The following SLC9A4 variants were observed in gnomAD, a reference collection of about 807,000 sequenced individuals.
The protein encoded by SLC9A4 is sodium/hydrogen exchanger 4.
Under a neutral mutation model 67.4 loss-of-function variants are expected in SLC9A4, and 63 were observed. The ratio of observed to expected loss-of-function variants is 0.93; its 90% CI spans 0.76 to 1.15. SLC9A4 has a LOEUF of 1.15. SLC9A4 is among the 50% of genes most tolerant of loss of function. SLC9A4 has a pLI of 0.00. For synonymous variants in SLC9A4, 393 were observed against 367.2 expected, an observed-to-expected ratio of 1.07 and a Z score of -0.80; for missense variants, 1,089 against 987.7, an observed-to-expected ratio of 1.10 and a Z score of -1.38.
rs532608280 is a variant in SLC9A4 at position 102,520,846 on chromosome 2, C to T, written c.1818+891C>T. On this transcript the variant is annotated intron_variant, in intron 9 of 11. Coordinates refer to ENST00000295269, the MANE Select transcript of SLC9A4 (RefSeq NM_001011552.4). The stretch of plus-strand genomic sequence containing the variant: ...TAAGAACACAGGTTTTCTACCCACC[C>T]ACCCAGTGCTCTTTTCATGACTCTG... Among the ~76,000 whole-genome samples the T allele has an allele frequency of 1.1e-4, 17 of 152,292 alleles. No individual in the cohort carries two copies. The South Asian group carries it at 3.1e-3, about 28-fold the overall frequency.
rs780461441 is a variant in SLC9A4, at chr2:102,512,205, G to T, written c.1491G>T (p.Leu497=). ...ATTTTCTTGTGTTTGTTTGGCAGCT[G>T]ATGGATCACTTAAAGGCTGGAATCG... ...ESINEELHIR[L]MDHLKAGIED... The change falls in exon 7 of 12, where the codon CTG becomes CTT. Residue 497 remains leucine (L), a splice_region_variant and synonymous_variant. Transcript: ENST00000295269. 2 of 1,614,004 alleles carry T rather than the reference G, an allele frequency of 1.2e-6. No homozygotes were observed. The highest frequency in any genetic ancestry group is 1.7e-6 in the Non-Finnish European group (2 of 1,179,898).
At chr2:102,474,846 G>A (rs1011262053) in intron 1 of SLC9A4, among the ~76,000 whole-genome samples, 50 of 152,312 alleles carry the variant, frequency 3.3e-4, no homozygotes, top group African/African-American at 1.2e-3. Flanking sequence ...TGCTATTTGA[G>A]TATGTAGATT....
At chr2:102,483,762 A>G (rs78125003) in intron 2 of SLC9A4, among the ~76,000 whole-genome samples, 2,723 of 148,482 alleles carry the variant, frequency 0.018, 80 homozygotes, top group East Asian at 0.086. Flanking sequence ...GGATACAAAA[A>G]TTAGCTTGAC....
At chr2:102,510,281 A>G (rs1478960997) in intron 6 of SLC9A4, among the ~76,000 whole-genome samples, 2 of 152,020 alleles carry the variant, frequency 1.3e-5, no homozygotes, top group African/African-American at 4.8e-5. Flanking sequence ...ACAGATATAG[A>G]TATAGATATA....
rs1444560596 is a variant in SLC9A4, at chr2:102,508,213, C to A, written c.1333C>A (p.Leu445Ile). The change falls in exon 5 of 12, where the codon CTT (leucine) becomes ATT (isoleucine). Residue 445 changes from leucine (L) to isoleucine (I), a missense_variant. Transcript: ENST00000295269. The part of the protein sequence containing the change: ...FSLAFLLPLS[L>I]FPRKKMFVTA... ...ACTTGCATTTTTGCTTCCTCTGTCTCTTTTTCCTAGGAAGAAAATGTTTGT... is the reference window on the plus strand; with the variant it reads ...ACTTGCATTTTTGCTTCCTCTGTCTATTTTTCCTAGGAAGAAAATGTTTGT... 1 of 1,614,164 alleles carries A rather than the reference C, an allele frequency of 6.2e-7. No homozygotes were observed. The highest frequency in any genetic ancestry group is 1.7e-5 in the Admixed American group (1 of 60,016).
At chr2:102,487,459 C>T (rs192205239) in intron 2 of SLC9A4, among the ~76,000 whole-genome samples, 41 of 152,290 alleles carry the variant, frequency 2.7e-4, no homozygotes, top group Non-Finnish European at 5.6e-4. Flanking sequence ...GTCTAAGCCA[C>T]AGACTTGCCC....
chr2:102,512,679 A>G (rs2104440106), intron 7 of SLC9A4, among the ~76,000 whole-genome samples: 1 of 152,350 alleles, frequency 6.6e-6, no homozygotes. Context: ...TGGGGAGGCC[A>G]TGGTGGAAGA....
rs544059696 is a variant in SLC9A4 at position 102,478,002 on chromosome 2, C to T, written c.257-837C>T. ...GTTGTCTATCTCTTTGGTCTTCCAC[C>T]TGGCGGTACTTAACATCGTCTTTGC... On this transcript the variant is annotated intron_variant, in intron 1 of 11. Coordinates refer to ENST00000295269, the MANE Select transcript of SLC9A4 (RefSeq NM_001011552.4). 6.6e-5 allele frequency among the ~76,000 whole-genome samples: 10 copies of T among 152,326 alleles called. No homozygotes were observed. In the South Asian group the frequency reaches 2.1e-3, roughly 32 times the overall value.
chr2:102,496,862 A>G (rs1196131904), intron 2 of SLC9A4, among the ~76,000 whole-genome samples: 2 of 152,388 alleles, frequency 1.3e-5, no homozygotes, highest in East Asian at 3.9e-4. Context: ...GTGGATTAGC[A>G]TCCAAGATGA....
In SLC9A4 at chr2:102,532,601, G is replaced by T. The variant is rs771641012; in HGVS notation, c.2310G>T (p.Leu770Phe). 42 of 1,613,904 alleles carry T rather than the reference G, an allele frequency of 2.6e-5. No homozygotes were observed. The highest frequency in any genetic ancestry group is 3.3e-5 in the Admixed American group (2 of 59,988). The change falls in exon 12 of 12, where the codon TTG (leucine) becomes TTT (phenylalanine). Residue 770 changes from leucine to phenylalanine, a missense_variant. Leu to Phe is a conservative substitution (Grantham distance 22, BLOSUM62 0). Coordinates refer to ENST00000295269, the MANE Select transcript of SLC9A4 (RefSeq NM_001011552.4). ...GGGAGAGTGAGGGCAAGGCCTCTTT[G>T]GTTGAGGTTCGGTCGAGGTGGACAG... ...SGGESEGKAS[L>F]VEVRSRWTAD...
intron 2 of SLC9A4, among the ~76,000 whole-genome samples, chr2:102,479,916 A>T (rs532270291): frequency 6.6e-6 from 1 of 152,340 alleles, no homozygotes; most frequent in African/African-American, 2.4e-5. Context: ...AACACCCAGC[A>T]TTAAGGCTCA....
chr2:102,485,454 TCTCCTG>T (rs1439262191), intron 2 of SLC9A4, among the ~76,000 whole-genome samples: 1 of 152,144 alleles, frequency 6.6e-6, no homozygotes, highest in Admixed American at 6.5e-5. Flanking sequence ...AGATTCTATA[TCTCCTG>T]ATCCCTCATG....
chr2:102,500,518 T>A (rs1393621601), intron 2 of SLC9A4, among the ~76,000 whole-genome samples: 1 of 152,178 alleles, frequency 6.6e-6, no homozygotes, highest in Non-Finnish European at 1.5e-5. Flanking sequence ...AGAGGGCCAC[T>A]GTGCAACCTC....
intron 2 of SLC9A4, among the ~76,000 whole-genome samples, chr2:102,502,574 G>A (rs1684965697): frequency 6.6e-6 from 1 of 152,226 alleles, no homozygotes; most frequent in Non-Finnish European, 1.5e-5. Flanking sequence ...GCTTGGGAGG[G>A]GTTCACCTTT....
chr2:102,501,803 A>C (rs1003570175), intron 2 of SLC9A4, among the ~76,000 whole-genome samples: 5 of 151,664 alleles, frequency 3.3e-5, no homozygotes, highest in African/African-American at 1.2e-4. Context: ...ACTGATTGTC[A>C]CTCAGTGGAG....
chr2:102,506,669 T>C (rs1426473056), intron 4 of SLC9A4, among the ~76,000 whole-genome samples: 1 of 152,170 alleles, frequency 6.6e-6, no homozygotes, highest in Non-Finnish European at 1.5e-5. Context: ...CTTAGTTCCC[T>C]TTCAGTTCTA....
intron 2 of SLC9A4, among the ~76,000 whole-genome samples, chr2:102,495,333 C>T (rs910989041): frequency 6.6e-6 from 1 of 152,020 alleles, no homozygotes; most frequent in Non-Finnish European, 1.5e-5. Context: ...ATGCTAGATC[C>T]TTTCATTGAA....
chr2:102,501,604 T>C (rs983812530), intron 2 of SLC9A4, among the ~76,000 whole-genome samples: 2 of 152,020 alleles, frequency 1.3e-5, no homozygotes, highest in Admixed American at 6.5e-5. Flanking sequence ...AGGTCGGGCT[T>C]ACAGAGGACC....
At chr2:102,525,910 G>A (rs988554095) in intron 10 of SLC9A4, among the ~76,000 whole-genome samples, 1 of 152,114 alleles carries the variant, frequency 6.6e-6, no homozygotes, top group African/African-American at 2.4e-5. Context: ...TTGAGACAGA[G>A]TCTCGCTCTG....
Sources: gnomAD v4.1 joint callset for allele counts (sites outside exome capture counted in the v4.1 genomes callset) on GRCh38, gnomAD v4.1.1 for gene constraint, MANE v1.5 for transcripts, NCBI Gene and HGNC (gene_info 2026-07-23, HGNC 2026-07-21) for gene names.